The following AGBL4 variants were observed in gnomAD, a reference collection of about 807,000 sequenced individuals.
AGBL4 encodes AGBL carboxypeptidase 4, also known as cytosolic carboxypeptidase 6.
AGBL4 carries 58 observed loss-of-function variants against 66.4 expected under a neutral mutation model. The observed-to-expected ratio is 0.87, with a 90% CI of 0.71 to 1.09. The LOEUF (loss-of-function observed/expected upper bound fraction) is 1.09. Among genes scored for constraint, AGBL4 ranks in the 50% least tolerant of loss-of-function variants. The pLI is 0.00. For synonymous variants in AGBL4, 234 were observed against 222.9 expected (o/e 1.05, Z -0.44); for missense variants, 579 against 631.0 (o/e 0.92, Z 0.88).
chr1:49,009,206 A>G (rs1171045243), intron 5 of AGBL4, among the ~76,000 whole-genome samples: 3 of 151,938 alleles, frequency 2.0e-5, no homozygotes, highest in Admixed American at 6.6e-5. Context: ...ATCACCACTG[A>G]TCCCACAGAA....
chr1:49,448,957 A>ATATGAAAC (rs2148679128), intron 3 of AGBL4, among the ~76,000 whole-genome samples: 1 of 151,914 alleles, frequency 6.6e-6, no homozygotes, highest in East Asian at 1.9e-4. Flanking sequence ...ATACAAGTAT[A>ATATGAAAC]TATGAAACTG....
At chr1:49,639,918 G>A (rs1645748892) in intron 3 of AGBL4, among the ~76,000 whole-genome samples, 1 of 152,232 alleles carries the variant, frequency 6.6e-6, no homozygotes, top group Non-Finnish European at 1.5e-5. Flanking sequence ...TTAAATATGA[G>A]CAAAGATATG....
intron 3 of AGBL4, among the ~76,000 whole-genome samples, chr1:49,376,398 T>A (rs1644473037): frequency 6.6e-6 from 1 of 151,954 alleles, no homozygotes; most frequent in Admixed American, 6.6e-5. Context: ...GGTGGGAGAT[T>A]GGAGAGCAGG....
At chr1:49,895,488 TTTCAAGAC>T (rs1390294353) in intron 1 of AGBL4, among the ~76,000 whole-genome samples, 3 of 152,006 alleles carry the variant, frequency 2.0e-5, no homozygotes. Flanking sequence ...TATAACAACT[TTTCAAGAC>T]ATAAATAGTA....
At chr1:49,833,655 T>C (rs1446094710) in intron 2 of AGBL4, among the ~76,000 whole-genome samples, 2 of 152,150 alleles carry the variant, frequency 1.3e-5, no homozygotes, top group Non-Finnish European at 2.9e-5. Flanking sequence ...TCTTTGTATC[T>C]TCTTTAATTT....
At chr1:49,575,188 G>A (rs1644411644) in intron 3 of AGBL4, among the ~76,000 whole-genome samples, 1 of 152,110 alleles carries the variant, frequency 6.6e-6, no homozygotes, top group African/African-American at 2.4e-5. Context: ...GTTGATTCTA[G>A]GGGACCCAAA....
chr1:48,982,170 G>A (rs1177825054), intron 5 of AGBL4, among the ~76,000 whole-genome samples: 3 of 152,152 alleles, frequency 2.0e-5, no homozygotes, highest in Non-Finnish European at 4.4e-5. Context: ...GTGGGTAGGA[G>A]CCAGGTGACA....
At chr1:49,837,596 C>A (rs1311127753) in intron 2 of AGBL4, among the ~76,000 whole-genome samples, 1 of 152,284 alleles carries the variant, frequency 6.6e-6, no homozygotes. Flanking sequence ...CCTGTAATCC[C>A]AGCACTTTGG....
At chr1:48,795,163 A>G (rs1645641764) in intron 6 of AGBL4, among the ~76,000 whole-genome samples, 1 of 152,166 alleles carries the variant, frequency 6.6e-6, no homozygotes, top group South Asian at 2.1e-4. Flanking sequence ...TTCCCAATGC[A>G]TTCCCTAAAC....
intron 3 of AGBL4, among the ~76,000 whole-genome samples, chr1:49,260,874 A>G (rs1348168636): frequency 6.6e-6 from 1 of 151,132 alleles, no homozygotes; most frequent in Non-Finnish European, 1.5e-5. Flanking sequence ...ATTTTAGACC[A>G]ATATCCTTGA....
intron 3 of AGBL4, among the ~76,000 whole-genome samples, chr1:49,305,038 T>A (rs188585065): frequency 6.6e-6 from 1 of 152,316 alleles, no homozygotes; most frequent in Admixed American, 6.5e-5. Context: ...TAAGAATTAC[T>A]GTCTTTACAG....
Position 49,845,281 on chromosome 1 carries a change from GCC to G in AGBL4, c.157+6113_157+6114del, listed in dbSNP as rs1295176528. 20 of 1,557,110 alleles carry G rather than the reference GCC, an allele frequency of 1.3e-5. No homozygotes were observed. In the Admixed American group the frequency reaches 3.2e-4, roughly 25 times the overall value. ...GTGTGAGGGGACCTTCAACCAAATTGCCCCACTGATCCAGCACCAGAGAACTC... is the reference window on the plus strand; with the variant it reads ...GTGTGAGGGGACCTTCAACCAAATTGCCACTGATCCAGCACCAGAGAACTC... On this transcript the variant is annotated intron_variant, in intron 2 of 13. Coordinates refer to ENST00000371839, the MANE Select transcript of AGBL4 (RefSeq NM_032785.4).
chr1:48,764,925 C>T (rs1471020955), intron 6 of AGBL4, among the ~76,000 whole-genome samples: 1 of 152,152 alleles, frequency 6.6e-6, no homozygotes, highest in Non-Finnish European at 1.5e-5. Context: ...GAGGTAGAGA[C>T]CTGCTTAGCT....
chr1:49,380,837 A>C (rs1180499381), intron 3 of AGBL4, among the ~76,000 whole-genome samples: 1 of 152,194 alleles, frequency 6.6e-6, no homozygotes, highest in Non-Finnish European at 1.5e-5. Context: ...CTTATACAAA[A>C]ATTAATTCAA....
chr1:49,834,825 A>G (rs2148025220), intron 2 of AGBL4, among the ~76,000 whole-genome samples: 2 of 152,162 alleles, frequency 1.3e-5, no homozygotes, highest in South Asian at 4.1e-4. Context: ...TAATTTCATT[A>G]TTTACTCAGT....
At chr1:49,407,202 C>G (rs1645223098) in intron 3 of AGBL4, among the ~76,000 whole-genome samples, 1 of 151,212 alleles carries the variant, frequency 6.6e-6, no homozygotes, top group Non-Finnish European at 1.5e-5. Context: ...TTTAAGTAAG[C>G]AGATTGTCCT....
chr1:48,831,782 A>G (rs1440515283), intron 6 of AGBL4, among the ~76,000 whole-genome samples: 1 of 152,208 alleles, frequency 6.6e-6, no homozygotes, highest in Admixed American at 6.5e-5. Flanking sequence ...ATAAAAACTC[A>G]CTGAATGAAT....
chr1:49,856,194 A>T (rs1336515816), intron 1 of AGBL4, among the ~76,000 whole-genome samples: 1 of 152,126 alleles, frequency 6.6e-6, no homozygotes, highest in Non-Finnish European at 1.5e-5. Context: ...AACCAGAAAT[A>T]AATAGAAAAC....
intron 6 of AGBL4, among the ~76,000 whole-genome samples, chr1:48,677,509 A>G (rs546718147): frequency 1.3e-5 from 2 of 152,330 alleles, no homozygotes; most frequent in East Asian, 1.9e-4. Flanking sequence ...GCCAGGCGCC[A>G]GGGGGCGCAT....
Sources: gnomAD v4.1 joint callset for allele counts (sites outside exome capture counted in the v4.1 genomes callset) on GRCh38, gnomAD v4.1.1 for gene constraint, MANE v1.5 for transcripts, NCBI Gene and HGNC (gene_info 2026-07-23, HGNC 2026-07-21) for gene names.